The following UGT2A1 variants were observed in gnomAD, a reference collection of about 807,000 sequenced individuals.
UGT2A1 encodes the protein UDP glucuronosyltransferase family 2 member A1 complex locus.
UGT2A1 carries 61 observed loss-of-function variants against 45.4 expected under a neutral mutation model. That is an observed-to-expected ratio of 1.34 (90% CI 1.09 to 1.66). UGT2A1 has a LOEUF of 1.66. UGT2A1 is among the 40% of genes most tolerant of loss of function. The pLI is 0.00. For synonymous variants in UGT2A1, 229 were observed against 196.2 expected (o/e 1.17, Z -1.40); for missense variants, 649 against 574.3 (o/e 1.13, Z -1.33).
intron 3 of UGT2A1, among the ~76,000 whole-genome samples, chr4:69,609,973 C>G (rs924428164): frequency 1.3e-5 from 2 of 152,016 alleles, no homozygotes; most frequent in African/African-American, 4.8e-5. Context: ...TTTCAAAAAA[C>G]TAAATAATAG....
intron 3 of UGT2A1, among the ~76,000 whole-genome samples, chr4:69,629,934 C>A (rs74712271): frequency 0.038 from 5,800 of 152,046 alleles, 122 homozygotes; most frequent in East Asian, 0.069. Context: ...TGTATATTAT[C>A]ATTGCAATAG....
chr4:69,640,946 T>G (rs1388380870), intron 2 of UGT2A1, among the ~76,000 whole-genome samples: 1 of 151,898 alleles, frequency 6.6e-6, no homozygotes, highest in East Asian at 1.9e-4. Flanking sequence ...AAGAAATCTG[T>G]TGCTGTCAAA....
chr4:69,635,053 C>G (rs1721597491), intron 3 of UGT2A1, among the ~76,000 whole-genome samples: 1 of 151,970 alleles, frequency 6.6e-6, no homozygotes, highest in African/African-American at 2.4e-5. Flanking sequence ...CATTGCATGT[C>G]TGTATCAAAA....
In UGT2A1 at chr4:69,588,600, T is replaced by C. The variant is rs1210694236; in HGVS notation, c.*772A>G. The C allele has an allele frequency of 6.6e-6, 1 of 152,102 alleles. No homozygotes were observed. Among genetic ancestry groups the C allele is most frequent in the Non-Finnish European group, 1.5e-5 (1 of 67,994 alleles). The allele number at this position is 152,102 out of a possible 1,614,324, so 9.4% of individuals were successfully genotyped here. On this transcript the variant is annotated 3_prime_UTR_variant, in exon 7 of 7. Coordinates refer to ENST00000286604, the MANE Select transcript of UGT2A1 (RefSeq NM_001252275.3). ...TAATTATTTTCTAGATTTCTAATTG[T>C]TATATCCTCTAAATATGATCTGTTC... is the stretch of plus-strand genomic sequence containing the variant.
intron 1 of UGT2A1, among the ~76,000 whole-genome samples, chr4:69,652,074 C>G (rs116067386): frequency 0.037 from 5,595 of 152,188 alleles, 129 homozygotes; most frequent in Non-Finnish European, 0.056. Context: ...TCCCGTCAGT[C>G]TCATCTGCCT....
intron 3 of UGT2A1, among the ~76,000 whole-genome samples, chr4:69,619,980 T>G (rs1016732499): frequency 6.6e-6 from 1 of 151,920 alleles, no homozygotes. Context: ...TGAAGAAACA[T>G]ACCTCAAAAT....
chr4:69,618,201 GTGTGTGTGTGTGTGTATGTT>G (rs1720516880), intron 3 of UGT2A1, among the ~76,000 whole-genome samples: 1 of 88,522 alleles, frequency 1.1e-5, no homozygotes, highest in Admixed American at 1.6e-4. Flanking sequence ...GTGTGTGTGT[GTGTGTGTGTGTGTGTATGTT>G]TGTGTGTGTG....
At chr4:69,620,690 G>A (rs1261343023) in intron 3 of UGT2A1, among the ~76,000 whole-genome samples, 1 of 146,888 alleles carries the variant, frequency 6.8e-6, no homozygotes, top group Admixed American at 6.8e-5. Context: ...CCAAGGCAAT[G>A]CTAAACAAAA....
At chr4:69,618,211 G>A (rs55803022) in intron 3 of UGT2A1, among the ~76,000 whole-genome samples, 1,242 of 113,222 alleles carry the variant, frequency 0.011, 20 homozygotes, top group African/African-American at 0.036. Flanking sequence ...GTGTGTGTGT[G>A]TGTGTATGTT....
In UGT2A1 at chr4:69,618,201, G is replaced by GTGTGTGTATGTT. The variant is rs879782553; in HGVS notation, c.847+17489_847+17490insAACATACACACA. Reference sequence around the variant, plus strand: ...GGCCAGTAAGCATGTGTGTGTGTGTGTGTGTGTGTGTGTGTATGTTTGTGT... The same window carrying GTGTGTGTATGTT: ...GGCCAGTAAGCATGTGTGTGTGTGTGTGTGTGTATGTTTGTGTGTGTGTGTGTATGTTTGTGT... On this transcript the variant is annotated intron_variant, in intron 3 of 6. Coordinates refer to ENST00000286604, the MANE Select transcript of UGT2A1 (RefSeq NM_001252275.3). Among the ~76,000 whole-genome samples, 688 of 88,562 alleles carry GTGTGTGTATGTT rather than the reference G, an allele frequency of 7.8e-3. 8 individuals are homozygous for GTGTGTGTATGTT. The East Asian group carries it at 0.089, about 12-fold the overall frequency. 58.1% of individuals were successfully genotyped at this position (88,562 alleles called of 152,430 possible). A position where few individuals can be genotyped will look rare whatever the true frequency, so the allele number is the denominator to read the frequency against.
Position 69,636,139 on chromosome 4 carries a change from T to C in UGT2A1, c.716-317A>G, listed in dbSNP as rs552016075. On this transcript the variant is annotated intron_variant, in intron 2 of 6. Coordinates refer to ENST00000286604, the MANE Select transcript of UGT2A1 (RefSeq NM_001252275.3). The stretch of plus-strand genomic sequence containing the variant: ...TTATTCTGATGTCCTTCAAGACATT[T>C]GGAGTTCTTCTTTGTCACAATTTAA... Among the ~76,000 whole-genome samples the C allele has an allele frequency of 3.9e-5, 6 of 152,336 alleles. No homozygotes were observed. The South Asian group carries it at 1.2e-3, about 32-fold the overall frequency.
intron 1 of UGT2A1, among the ~76,000 whole-genome samples, chr4:69,650,254 C>T (rs554732628): frequency 3.4e-4 from 52 of 152,144 alleles, no homozygotes; most frequent in Non-Finnish European, 6.3e-4. Flanking sequence ...TTATTGGGTA[C>T]CTACTATTCA....
chr4:69,609,640 A>G (rs1380158798), intron 3 of UGT2A1, among the ~76,000 whole-genome samples: 1 of 152,068 alleles, frequency 6.6e-6, no homozygotes, highest in Non-Finnish European at 1.5e-5. Flanking sequence ...AATGTCTCTG[A>G]GATGAGATTA....
At chr4:69,625,003 C>G (rs369242151) in intron 3 of UGT2A1, among the ~76,000 whole-genome samples, 1 of 150,262 alleles carries the variant, frequency 6.7e-6, no homozygotes, top group East Asian at 2.0e-4. Flanking sequence ...CTTGTAGCAA[C>G]AAAAAAAATC....
chr4:69,618,215 G>T (rs867662208), intron 3 of UGT2A1, among the ~76,000 whole-genome samples: 60 of 104,824 alleles, frequency 5.7e-4, no homozygotes, highest in South Asian at 9.2e-4. Flanking sequence ...GTGTGTGTGT[G>T]TATGTTTGTG....
intron 3 of UGT2A1, among the ~76,000 whole-genome samples, chr4:69,628,856 A>G (rs538410354): frequency 4.3e-4 from 65 of 151,714 alleles, no homozygotes; most frequent in Non-Finnish European, 1.2e-4. Flanking sequence ...TATGGTCTAT[A>G]TTGAAATTCA....
At chr4:69,652,834 T>C (rs2109987055) in intron 1 of UGT2A1, among the ~76,000 whole-genome samples, 1 of 152,314 alleles carries the variant, frequency 6.6e-6, no homozygotes, top group Non-Finnish European at 1.5e-5. Context: ...TTCTTATTTG[T>C]CACTTTATGT....
intron 2 of UGT2A1, among the ~76,000 whole-genome samples, chr4:69,636,811 A>G (rs1211355957): frequency 6.6e-6 from 1 of 152,162 alleles, no homozygotes; most frequent in Admixed American, 6.5e-5. Context: ...ATGATATCAT[A>G]TGATCCTCCT....
In UGT2A1 at chr4:69,593,973, T is replaced by G. The variant is rs530103738; in HGVS notation, c.1304+504A>C. Among the ~76,000 whole-genome samples, 217 of 104,396 alleles carry G rather than the reference T, an allele frequency of 2.1e-3. 10 individuals carry two copies. The highest frequency in any genetic ancestry group is 0.013 in the Admixed American group (119 of 9,424). 68.5% of individuals were successfully genotyped at this position (104,396 alleles called of 152,430 possible). On this transcript the variant is annotated intron_variant, in intron 6 of 6. Coordinates refer to ENST00000286604, the MANE Select transcript of UGT2A1 (RefSeq NM_001252275.3). ...TTGAAATAATATTTGAAGTCTTTTTTTTTGTTTGTTTTTTTTTTTGAGACT... is the reference window on the plus strand; with the variant it reads ...TTGAAATAATATTTGAAGTCTTTTTGTTTGTTTGTTTTTTTTTTTGAGACT...
Sources: allele counts gnomAD v4.1 joint callset (sites outside exome capture counted in the v4.1 genomes callset), GRCh38; gene constraint gnomAD v4.1.1; transcripts MANE v1.5; gene names NCBI Gene and HGNC (gene_info 2026-07-23, HGNC 2026-07-21).